ZNF423: variants seen among roughly 807,000 people sequenced by gnomAD.
ZNF423 encodes the protein zinc finger protein 423.
A neutral mutation model predicts 95.8 loss-of-function variants in ZNF423; 12 were observed. That is an observed-to-expected ratio of 0.13 (90% CI 0.08 to 0.20). The LOEUF (loss-of-function observed/expected upper bound fraction) is 0.20. Among genes scored for constraint, ZNF423 ranks in the 10% least tolerant of loss-of-function variants. ZNF423 has a pLI of 1.00. For synonymous variants in ZNF423, 749 were observed against 711.9 expected, an observed-to-expected ratio of 1.05 and a Z score of -0.83; for missense variants, 1,316 against 1,737.1, an observed-to-expected ratio of 0.76 and a Z score of 4.31.
intron 1 of ZNF423, among the ~76,000 whole-genome samples, chr16:49,806,085 C>G (rs1342618869): frequency 6.6e-6 from 1 of 152,262 alleles, no homozygotes; most frequent in Non-Finnish European, 1.5e-5. Context: ...TGCATGGTCT[C>G]GTTAACCAGA....
At chr16:49,690,909 C>T (rs936860141) in intron 3 of ZNF423, among the ~76,000 whole-genome samples, 3 of 152,140 alleles carry the variant, frequency 2.0e-5, no homozygotes, top group Admixed American at 6.5e-5. Context: ...GCCAGGAGGT[C>T]GGTGAGCAAA....
chr16:49,647,788 A>G (rs966501188), intron 3 of ZNF423, among the ~76,000 whole-genome samples: 13 of 152,206 alleles, frequency 8.5e-5, no homozygotes, highest in African/African-American at 2.9e-4. Context: ...GAACTCTAAG[A>G]TACTATTTTT....
intron 1 of ZNF423, chr16:49,853,839 G>A: frequency 1.0e-6 from 1 of 985,364 alleles, no homozygotes; most frequent in South Asian, 4.7e-5. Flanking sequence ...GGGTCTCGCC[G>A]TCTAACGTAA....
intron 5 of ZNF423, among the ~76,000 whole-genome samples, chr16:49,575,867 G>C (rs1459517592): frequency 6.6e-6 from 1 of 152,046 alleles, no homozygotes; most frequent in South Asian, 2.1e-4. Flanking sequence ...GCCCACACTT[G>C]GAGGAGCCTG....
rs1336596165 is a variant in ZNF423, at chr16:49,566,574, A to T, written c.3602-41080T>A. On this transcript the variant is annotated intron_variant, in intron 5 of 7. Transcript: ENST00000563137. ...ACCTCCCAAAATGAGTCCAACTAAA[A>T]AATCCAGTCTTCCCTCAGAATTGAT... Among the ~76,000 whole-genome samples, 4 of 152,332 alleles carry T rather than the reference A, an allele frequency of 2.6e-5. No homozygotes were observed. In the East Asian group the frequency reaches 7.7e-4, roughly 29 times the overall value.
chr16:49,759,583 G>C lies in ZNF423; in HGVS notation c.101-28612C>G, dbSNP rs190188238. 3.5e-4 allele frequency among the ~76,000 whole-genome samples: 53 copies of C among 152,316 alleles called. 2 individuals carry two copies. The highest frequency in any genetic ancestry group is 1.2e-3 in the African/African-American group (50 of 41,578). On this transcript the variant is annotated intron_variant, in intron 2 of 7. Coordinates refer to ENST00000563137, the MANE Select transcript of ZNF423 (RefSeq NM_001379286.1). ...TCAGGAGCAGCACATACTCATGAAA[G>C]TTCTCAGCCAGGAGTGCGCTTTGCA...
intron 3 of ZNF423, among the ~76,000 whole-genome samples, chr16:49,689,421 C>T (rs773001589): frequency 2.6e-4 from 39 of 152,068 alleles, no homozygotes; most frequent in Middle Eastern, 3.4e-3. Flanking sequence ...CACTGCACTC[C>T]AGCCTCGGCG....
intron 7 of ZNF423, among the ~76,000 whole-genome samples, chr16:49,513,850 T>G (rs1259505391): frequency 6.6e-6 from 1 of 151,974 alleles, no homozygotes; most frequent in Non-Finnish European, 1.5e-5. Flanking sequence ...GAGGAGGCAC[T>G]GGAGCTGGGC....
chr16:49,606,037 G>A (rs149963311), intron 5 of ZNF423, among the ~76,000 whole-genome samples: 14 of 152,308 alleles, frequency 9.2e-5, no homozygotes, highest in East Asian at 7.7e-4. Context: ...GGGAAGGGCC[G>A]CTGTCACAGC....
intron 3 of ZNF423, among the ~76,000 whole-genome samples, chr16:49,673,722 C>A (rs376615872): frequency 2.0e-5 from 3 of 152,238 alleles, no homozygotes; most frequent in African/African-American, 7.2e-5. Context: ...CCCTTCTGCC[C>A]ATGGGGGGCT....
chr16:49,766,416 G>GC (rs2033930127), intron 2 of ZNF423, among the ~76,000 whole-genome samples: 1 of 152,156 alleles, frequency 6.6e-6, no homozygotes, highest in South Asian at 2.1e-4. Context: ...TTTGTGGCAG[G>GC]CAAGAAAACG....
intron 3 of ZNF423, among the ~76,000 whole-genome samples, chr16:49,710,057 T>C (rs1051747264): frequency 6.6e-6 from 1 of 152,228 alleles, no homozygotes; most frequent in African/African-American, 2.4e-5. Flanking sequence ...TATGCTCCAC[T>C]ACATGCCACA....
intron 5 of ZNF423, among the ~76,000 whole-genome samples, chr16:49,558,099 G>A (rs1428741584): frequency 6.6e-6 from 1 of 152,180 alleles, no homozygotes; most frequent in African/African-American, 2.4e-5. Context: ...GAAAAACAGA[G>A]GCAAGGACTG....
chr16:49,784,638 A>T (rs2034280126), intron 2 of ZNF423, among the ~76,000 whole-genome samples: 1 of 152,214 alleles, frequency 6.6e-6, no homozygotes, highest in Non-Finnish European at 1.5e-5. Context: ...TGTCCAGAAT[A>T]GGCAAGTCTA....
intron 6 of ZNF423, 137 bp from the exon 7 acceptor site, chr16:49,523,876 G>T (rs1003430139): frequency 4.4e-6 from 3 of 685,760 alleles, no homozygotes; most frequent in Non-Finnish European, 7.7e-6. Flanking sequence ...TACTGGGAGT[G>T]TTCTTAGCAC....
chr16:49,777,328 A>G (rs2034138252), intron 2 of ZNF423, among the ~76,000 whole-genome samples: 1 of 152,172 alleles, frequency 6.6e-6, no homozygotes, highest in Non-Finnish European at 1.5e-5. Context: ...CATGTGTGTG[A>G]ATGTCCATGT....
At chr16:49,516,791 G>A (rs1228866387) in intron 7 of ZNF423, among the ~76,000 whole-genome samples, 10 of 152,198 alleles carry the variant, frequency 6.6e-5, no homozygotes, top group Non-Finnish European at 1.2e-4. Flanking sequence ...ACAGCTCACT[G>A]GAGCAGGGTG....
intron 3 of ZNF423, among the ~76,000 whole-genome samples, chr16:49,660,623 A>G (rs2030164791): frequency 6.6e-6 from 1 of 152,162 alleles, no homozygotes; most frequent in South Asian, 2.1e-4. Context: ...CCCTCTCATT[A>G]TGGCAGAATG....
chr16:49,573,706 C>T (rs2151790666), intron 5 of ZNF423, among the ~76,000 whole-genome samples: 1 of 152,342 alleles, frequency 6.6e-6, no homozygotes, highest in South Asian at 2.1e-4. Flanking sequence ...ATCTCCAACA[C>T]ATGAAATTTG....
Sources: gnomAD v4.1 joint callset for allele counts (sites outside exome capture counted in the v4.1 genomes callset) on GRCh38, gnomAD v4.1.1 for gene constraint, MANE v1.5 for transcripts, NCBI Gene and HGNC (gene_info 2026-07-23, HGNC 2026-07-21) for gene names.